The following ARHGAP26 variants were observed in gnomAD, a reference collection of about 807,000 sequenced individuals.
The protein encoded by ARHGAP26 is rho GTPase-activating protein 26.
Under a neutral mutation model 104.8 loss-of-function variants are expected in ARHGAP26, and 38 were observed. That is an observed-to-expected ratio of 0.36 (90% CI 0.28 to 0.48). The LOEUF (loss-of-function observed/expected upper bound fraction) is 0.48. Ranked by LOEUF, ARHGAP26 falls within the 20% of genes least tolerant of loss-of-function variation. The pLI, the probability that ARHGAP26 is intolerant of heterozygous loss-of-function variation, is 0.99. For synonymous variants in ARHGAP26, 341 were observed against 340.0 expected, an observed-to-expected ratio of 1.00 and a Z score of -0.03; for missense variants, 704 against 947.9, an observed-to-expected ratio of 0.74 and a Z score of 3.38.
intron 1 of ARHGAP26, among the ~76,000 whole-genome samples, chr5:142,848,237 A>G (rs1415331432): frequency 1.3e-5 from 2 of 152,180 alleles, no homozygotes; most frequent in Non-Finnish European, 2.9e-5. Context: ...TGCTCTAGAC[A>G]CTAGTTTTGG....
At chr5:143,163,434 T>A (rs1307973437) in intron 20 of ARHGAP26, among the ~76,000 whole-genome samples, 1 of 120,288 alleles carries the variant, frequency 8.3e-6, no homozygotes, top group African/African-American at 3.3e-5. Context: ...GAGTTCTAGG[T>A]TTGTTTGTTT....
chr5:143,099,679 T>G (rs568072002), intron 17 of ARHGAP26, among the ~76,000 whole-genome samples: 38 of 152,222 alleles, frequency 2.5e-4, no homozygotes, highest in Non-Finnish European at 5.0e-4. Flanking sequence ...GTGAAGTTCC[T>G]CTGCTGATAA....
At chr5:143,115,997 G>C (rs1329658558) in intron 17 of ARHGAP26, among the ~76,000 whole-genome samples, 3 of 140 alleles carry the variant, frequency 0.021, no homozygotes, top group Non-Finnish European at 0.052. Context: ...GATAAAAATA[G>C]AATCGACAGG....
intron 11 of ARHGAP26, among the ~76,000 whole-genome samples, chr5:143,009,585 C>T (rs2152806634): frequency 6.6e-6 from 1 of 152,334 alleles, no homozygotes; most frequent in East Asian, 1.9e-4. Context: ...TCATCATCAT[C>T]ATTATTAATT....
At chr5:143,039,130 T>G (rs2150133436) in intron 13 of ARHGAP26, among the ~76,000 whole-genome samples, 1 of 152,266 alleles carries the variant, frequency 6.6e-6, no homozygotes, top group East Asian at 1.9e-4. Context: ...TTTTACTGTT[T>G]CCCTTTGACT....
chr5:142,953,763 CCT>C (rs1320531208), intron 11 of ARHGAP26, among the ~76,000 whole-genome samples: 1 of 152,170 alleles, frequency 6.6e-6, no homozygotes, highest in Non-Finnish European at 1.5e-5. Context: ...TACCGTGTCC[CCT>C]GTTTTCTTTT....
intron 21 of ARHGAP26, among the ~76,000 whole-genome samples, chr5:143,209,098 G>A (rs1203310931): frequency 6.6e-6 from 1 of 152,124 alleles, no homozygotes; most frequent in Non-Finnish European, 1.5e-5. Flanking sequence ...TATCAAAATG[G>A]AGTAAAAATC....
rs1755054173 is a variant in ARHGAP26, at chr5:142,770,876, C to G, written c.115C>G (p.Leu39Val). Residue 39 changes from leucine (L) to valine (V), a missense_variant, in exon 1 of 23, where the codon CTC (leucine) becomes GTC (valine). Transcript: ENST00000645722. ...LDKTNKFIKELIKDGKSLISA... is the reference protein window; with the variant it reads ...LDKTNKFIKEVIKDGKSLISA... Reference sequence around the variant, plus strand: ...CAAGACCAACAAATTCATCAAGGAGCTCATCAAGGACGGGAAGTCACTCAT... The same window carrying G: ...CAAGACCAACAAATTCATCAAGGAGGTCATCAAGGACGGGAAGTCACTCAT... 6.2e-7 allele frequency: 1 copy of G among 1,611,428 alleles called. No homozygotes were observed. Among genetic ancestry groups the G allele is most frequent in the South Asian group, 1.1e-5 (1 of 90,890 alleles).
intron 20 of ARHGAP26, among the ~76,000 whole-genome samples, chr5:143,206,915 A>T (rs1387582444): frequency 6.6e-6 from 1 of 152,238 alleles, no homozygotes; most frequent in East Asian, 1.9e-4. Flanking sequence ...GGCTCAGGGC[A>T]TTTGTCGCCA....
rs1757820812 is a variant in ARHGAP26 at position 142,887,104 on chromosome 5, C to T, written c.486+1705C>T. On this transcript the variant is annotated intron_variant, in intron 5 of 22. Coordinates refer to ENST00000645722, the MANE Select transcript of ARHGAP26 (RefSeq NM_001135608.3). Reference sequence around the variant, plus strand: ...TCTGGGAGGCCCACAGCACAGTTACCCTGTAGGCATGGCATTCTCTGGAAC... The same window carrying T: ...TCTGGGAGGCCCACAGCACAGTTACTCTGTAGGCATGGCATTCTCTGGAAC... 2.0e-5 allele frequency among the ~76,000 whole-genome samples: 3 copies of T among 152,228 alleles called. 1 individual carries two copies. The highest frequency in any genetic ancestry group is 4.4e-5 in the Non-Finnish European group (3 of 68,000).
At chr5:142,969,199 C>T (rs567855823) in intron 11 of ARHGAP26, 1 of 152,384 alleles carries the variant, frequency 6.6e-6, no homozygotes, top group Admixed American at 6.5e-5. Flanking sequence ...CCTCAGCCTA[C>T]CAAAGTGCTG....
intron 17 of ARHGAP26, chr5:143,058,164 T>C: frequency 2.3e-6 from 1 of 432,568 alleles, no homozygotes; most frequent in Non-Finnish European, 4.5e-6. Flanking sequence ...ATTCTAGAGC[T>C]GACTCTGTTA....
At chr5:142,901,745 G>A (rs1358128138) in intron 6 of ARHGAP26, among the ~76,000 whole-genome samples, 190 bp from the exon 7 acceptor site, 1 of 152,206 alleles carries the variant, frequency 6.6e-6, no homozygotes, top group Non-Finnish European at 1.5e-5. Context: ...TTAGGTCATG[G>A]GATGTTGTGA....
intron 11 of ARHGAP26, 29 bp downstream of exon 11, chr5:142,932,154 A>G (rs1329742525): frequency 1.3e-6 from 2 of 1,599,580 alleles, no homozygotes; most frequent in South Asian, 2.2e-5. Context: ...AAGTAGAGCA[A>G]GAATGAAGGC....
intron 20 of ARHGAP26, among the ~76,000 whole-genome samples, chr5:143,161,165 C>T (rs2151065500): frequency 6.6e-6 from 1 of 152,154 alleles, no homozygotes; most frequent in East Asian, 1.9e-4. Context: ...GCACGCAGCA[C>T]CACACCTGGC....
chr5:143,215,898 A>C (rs1009579949), intron 22 of ARHGAP26, among the ~76,000 whole-genome samples: 1 of 152,180 alleles, frequency 6.6e-6, no homozygotes, highest in Non-Finnish European at 1.5e-5. Context: ...TGGCTGCTTG[A>C]ATAATGCTGC....
At chr5:142,828,705 C>T (rs1035321645) in intron 1 of ARHGAP26, among the ~76,000 whole-genome samples, 11 of 152,116 alleles carry the variant, frequency 7.2e-5, no homozygotes, top group Admixed American at 1.3e-4. Flanking sequence ...CTGGGGTAGT[C>T]TGGTTTGGCA....
chr5:143,072,046 A>G (rs1187075829), intron 17 of ARHGAP26, among the ~76,000 whole-genome samples: 2 of 152,196 alleles, frequency 1.3e-5, no homozygotes, highest in Non-Finnish European at 2.9e-5. Context: ...GATCTATTAT[A>G]TACAAGGAAC....
intron 1 of ARHGAP26, among the ~76,000 whole-genome samples, chr5:142,833,595 A>G (rs1768954286): frequency 6.6e-6 from 1 of 152,144 alleles, no homozygotes; most frequent in South Asian, 2.1e-4. Context: ...AAGTGGAATT[A>G]CTTGGTCAAA....
Sources: gnomAD v4.1 joint callset for allele counts (sites outside exome capture counted in the v4.1 genomes callset) on GRCh38, gnomAD v4.1.1 for gene constraint, MANE v1.5 for transcripts, NCBI Gene and HGNC (gene_info 2026-07-23, HGNC 2026-07-21) for gene names.